Variants in KSR2 observed in about 807,000 individuals in gnomAD.
KSR2 encodes kinase suppressor of ras 2.
A neutral mutation model predicts 107.8 loss-of-function variants in KSR2; 25 were observed. That is an observed-to-expected ratio of 0.23 (90% confidence interval 0.17 to 0.32). The LOEUF (loss-of-function observed/expected upper bound fraction) is 0.32, where lower values mean the gene tolerates loss of function less well. KSR2 is among the 10% of genes least tolerant of loss of function. The pLI is 1.00. For missense variants in KSR2, 887 were observed against 1,268.9 expected, an observed-to-expected ratio of 0.70 and a Z score of 4.57; for synonymous variants, 480 against 507.0, an observed-to-expected ratio of 0.95 and a Z score of 0.71.
intron 18 of KSR2, 79 bp downstream of exon 18, chr12:117,471,112 A>C: frequency 6.4e-7 from 1 of 1,552,570 alleles, no homozygotes; most frequent in Non-Finnish European, 8.7e-7. Flanking sequence ...TGTAACCTTA[A>C]CACATAGTAA....
chr12:117,714,270 C>T (rs1886897153), intron 4 of KSR2, among the ~76,000 whole-genome samples: 1 of 152,112 alleles, frequency 6.6e-6, no homozygotes, highest in African/African-American at 2.4e-5. Context: ...TTTAAGTAAT[C>T]AAATGCAACT....
chr12:117,634,263 T>C (rs1437431145), intron 5 of KSR2, among the ~76,000 whole-genome samples: 1 of 152,124 alleles, frequency 6.6e-6, no homozygotes, highest in Non-Finnish European at 1.5e-5. Context: ...GGAGGGAGCC[T>C]CGTTTAGAGG....
intron 14 of KSR2, among the ~76,000 whole-genome samples, chr12:117,494,196 A>G (rs1271104196): frequency 1.3e-5 from 2 of 152,108 alleles, no homozygotes; most frequent in Non-Finnish European, 2.9e-5. Context: ...GACAACCAAT[A>G]AAACATAACA....
intron 7 of KSR2, among the ~76,000 whole-genome samples, chr12:117,569,317 C>T (rs975293546): frequency 3.9e-5 from 6 of 152,000 alleles, no homozygotes; most frequent in African/African-American, 7.3e-5. Context: ...TCCACTAACA[C>T]GGCAAAAGTC....
chr12:117,711,742 T>C (rs1886791110), intron 4 of KSR2, among the ~76,000 whole-genome samples: 1 of 152,232 alleles, frequency 6.6e-6, no homozygotes, highest in African/African-American at 2.4e-5. Flanking sequence ...TCTCCATGGT[T>C]CTATGTATTC....
At chr12:117,502,030 C>A (rs1163188953) in intron 14 of KSR2, among the ~76,000 whole-genome samples, 1 of 152,204 alleles carries the variant, frequency 6.6e-6, no homozygotes, top group Non-Finnish European at 1.5e-5. Flanking sequence ...GAGGAAATGA[C>A]CTGACCCACT....
chr12:117,742,904 C>A (rs1208780604), intron 4 of KSR2, among the ~76,000 whole-genome samples: 2 of 152,218 alleles, frequency 1.3e-5, no homozygotes, highest in East Asian at 3.8e-4. Context: ...ATCATTGAGT[C>A]ACTGGGCCTA....
chr12:117,833,399 G>A (rs938738385), intron 3 of KSR2, among the ~76,000 whole-genome samples: 5 of 152,046 alleles, frequency 3.3e-5, no homozygotes, highest in Admixed American at 6.5e-5. Flanking sequence ...GTCCTGCTCC[G>A]CCACCCAGGC....
chr12:117,688,028 A>G (rs1480569767), intron 4 of KSR2, among the ~76,000 whole-genome samples: 1 of 152,110 alleles, frequency 6.6e-6, no homozygotes, highest in Non-Finnish European at 1.5e-5. Flanking sequence ...GTTGTTTGCA[A>G]CCAAAGATCT....
chr12:117,648,753 T>C (rs775788781), intron 5 of KSR2, among the ~76,000 whole-genome samples: 29 of 152,240 alleles, frequency 1.9e-4, no homozygotes, highest in Non-Finnish European at 3.1e-4. Flanking sequence ...ACCACCCTTA[T>C]GGGCTGGCAT....
chr12:117,873,993 T>C (rs1893746957), intron 1 of KSR2, among the ~76,000 whole-genome samples: 1 of 152,192 alleles, frequency 6.6e-6, no homozygotes, highest in South Asian at 2.1e-4. Flanking sequence ...GTTGTTTGCG[T>C]TTTTTTGCAT....
intron 7 of KSR2, among the ~76,000 whole-genome samples, chr12:117,565,959 T>C (rs12366477): frequency 6.6e-6 from 1 of 152,216 alleles, no homozygotes. Flanking sequence ...TATTTTCTTT[T>C]GCTTTTTCAC....
chr12:117,658,878 G>A (rs764837936), intron 5 of KSR2, among the ~76,000 whole-genome samples: 2 of 152,160 alleles, frequency 1.3e-5, no homozygotes, highest in East Asian at 1.9e-4. Context: ...GTCTGAAGGC[G>A]TTATGGTTTT....
At chr12:117,923,171 G>C (rs928433424) in intron 1 of KSR2, among the ~76,000 whole-genome samples, 2 of 152,152 alleles carry the variant, frequency 1.3e-5, no homozygotes, top group Non-Finnish European at 2.9e-5. Flanking sequence ...ATGAGTTATA[G>C]TGCTGTTGGC....
intron 1 of KSR2, among the ~76,000 whole-genome samples, chr12:117,923,684 T>C (rs1895414205): frequency 1.3e-5 from 2 of 152,062 alleles, no homozygotes; most frequent in Non-Finnish European, 2.9e-5. Flanking sequence ...TGTGTGTGTG[T>C]GTATGTATAT....
intron 16 of KSR2, among the ~76,000 whole-genome samples, chr12:117,482,134 TG>T (rs2137135994): frequency 6.6e-6 from 1 of 152,176 alleles, no homozygotes; most frequent in African/African-American, 2.4e-5. Flanking sequence ...ACCCTGAGAC[TG>T]CCATGGTGTG....
At chr12:117,779,758 G>T (rs1889820853) in intron 3 of KSR2, among the ~76,000 whole-genome samples, 2 of 152,192 alleles carry the variant, frequency 1.3e-5, no homozygotes, top group African/African-American at 4.8e-5. Context: ...CTTCTGCCAT[G>T]ATTGTAAGTT....
At chr12:117,956,576 A>C (rs1397246966) in intron 1 of KSR2, among the ~76,000 whole-genome samples, 1 of 152,196 alleles carries the variant, frequency 6.6e-6, no homozygotes, top group Non-Finnish European at 1.5e-5. Flanking sequence ...TCGCTAAAAA[A>C]TAAAAAACAG....
intron 3 of KSR2, among the ~76,000 whole-genome samples, chr12:117,852,174 G>T (rs899360467): frequency 2.6e-5 from 4 of 151,968 alleles, no homozygotes; most frequent in African/African-American, 9.7e-5. Flanking sequence ...TGTAATCCTA[G>T]CACTCTGGGA....
Sources: gnomAD v4.1 joint callset for allele counts (sites outside exome capture counted in the v4.1 genomes callset) on GRCh38, gnomAD v4.1.1 for gene constraint, MANE v1.5 for transcripts, NCBI Gene and HGNC (gene_info 2026-07-23, HGNC 2026-07-21) for gene names.